MACROD2: variants seen among roughly 807,000 people sequenced by gnomAD.
MACROD2 encodes mono-ADP ribosylhydrolase 2.
MACROD2 carries 36 observed loss-of-function variants against 70.4 expected under a neutral mutation model. The ratio of observed to expected loss-of-function variants is 0.51; its 90% CI spans 0.39 to 0.68. The LOEUF (loss-of-function observed/expected upper bound fraction) is 0.68. MACROD2 is among the 30% of genes least tolerant of loss of function. MACROD2 has a pLI of 0.00. For synonymous variants in MACROD2, 172 were observed against 178.8 expected (o/e 0.96, Z 0.30); for missense variants, 496 against 538.4 (o/e 0.92, Z 0.78).
chr20:15,195,957 A>G (rs565398768), intron 5 of MACROD2, among the ~76,000 whole-genome samples: 1 of 152,334 alleles, frequency 6.6e-6, no homozygotes, highest in African/African-American at 2.4e-5. Context: ...GGAAACTGTT[A>G]TCTTCAACAA....
At chr20:14,432,555 ATTG>A (rs1388572380) in intron 3 of MACROD2, among the ~76,000 whole-genome samples, 4 of 152,122 alleles carry the variant, frequency 2.6e-5, no homozygotes, top group Admixed American at 1.3e-4. Context: ...TATAATACAG[ATTG>A]TTATTTTAGA....
At chr20:15,636,049 G>A (rs1397026565) in intron 8 of MACROD2, among the ~76,000 whole-genome samples, 2 of 131,766 alleles carry the variant, frequency 1.5e-5, no homozygotes, top group Non-Finnish European at 3.1e-5. Flanking sequence ...TCCAGCCTGG[G>A]CGACAGAGCG....
At chr20:15,244,090 A>G (rs1418606392) in intron 6 of MACROD2, among the ~76,000 whole-genome samples, 1 of 152,226 alleles carries the variant, frequency 6.6e-6, no homozygotes, top group Admixed American at 6.5e-5. Flanking sequence ...ACTATTACCT[A>G]TGCCCTTTGG....
At chr20:15,333,902 A>G (rs1337895963) in intron 6 of MACROD2, among the ~76,000 whole-genome samples, 1 of 151,676 alleles carries the variant, frequency 6.6e-6, no homozygotes, top group Admixed American at 6.6e-5. Context: ...CTGAGAACAG[A>G]CCACATGGGT....
In MACROD2 at chr20:15,429,850, G is replaced by T. The variant is rs946065569; in HGVS notation, c.541-1555G>T. On this transcript the variant is annotated intron_variant, in intron 6 of 17. Transcript: ENST00000684519. ...CATGAATATACTGTGTAATGGTGAA[G>T]ACTAGGCTTTTAGTGTAACCGTCAC... Among the ~76,000 whole-genome samples the T allele has an allele frequency of 5.3e-5, 8 of 152,112 alleles. No homozygotes were observed. The East Asian group carries it at 9.7e-4, about 18-fold the overall frequency.
At chr20:15,742,333 C>T (rs895255378) in intron 8 of MACROD2, among the ~76,000 whole-genome samples, 1 of 152,116 alleles carries the variant, frequency 6.6e-6, no homozygotes, top group East Asian at 1.9e-4. Context: ...AGAAGCAAAA[C>T]AAAATGGAGA....
In MACROD2 at chr20:14,860,960, A is replaced by T. The variant is rs773318492; in HGVS notation, c.418+176001A>T. Among the ~76,000 whole-genome samples the T allele has an allele frequency of 3.5e-5, 3 of 85,810 alleles. No homozygotes were observed. The East Asian group carries it at 9.8e-4, about 28-fold the overall frequency. 56.3% of individuals were successfully genotyped at this position (85,810 alleles called of 152,430 possible). A position where few individuals can be genotyped will look rare whatever the true frequency, so the allele number is the denominator to read the frequency against. ...ACTACATCCCCATTCTGGAGACTTTAAAAAAAAAAAATTGCTTTGTTTATT... is the reference window on the plus strand; with the variant it reads ...ACTACATCCCCATTCTGGAGACTTTTAAAAAAAAAAATTGCTTTGTTTATT... On this transcript the variant is annotated intron_variant, in intron 5 of 17. Coordinates refer to ENST00000684519, the MANE Select transcript of MACROD2 (RefSeq NM_001351661.2).
At chr20:16,000,645 G>A (rs892479956) in intron 15 of MACROD2, among the ~76,000 whole-genome samples, 2 of 152,130 alleles carry the variant, frequency 1.3e-5, no homozygotes, top group Non-Finnish European at 2.9e-5. Context: ...AAGTAAAGAA[G>A]GTTCTACCTA....
rs543475892 is a variant in MACROD2 at position 14,649,881 on chromosome 20, G to A, written c.302-34962G>A. 2.0e-5 allele frequency among the ~76,000 whole-genome samples: 3 copies of A among 152,226 alleles called. No homozygotes were observed. In the South Asian group the frequency reaches 6.2e-4, roughly 32 times the overall value. ...TGAGTCACAGGCTGGGTGGGGCTGA[G>A]CCTACAGGTTGAATATTCTCAGTTC... On this transcript the variant is annotated intron_variant, in intron 4 of 17. Coordinates refer to ENST00000684519, the MANE Select transcript of MACROD2 (RefSeq NM_001351661.2).
intron 4 of MACROD2, among the ~76,000 whole-genome samples, chr20:14,556,120 C>T (rs1979015424): frequency 6.6e-6 from 1 of 151,910 alleles, no homozygotes; most frequent in Admixed American, 6.6e-5. Context: ...ATAGTCAAAC[C>T]CTCTAAGATA....
intron 5 of MACROD2, among the ~76,000 whole-genome samples, chr20:15,057,298 C>T (rs2075494546): frequency 6.6e-6 from 1 of 152,098 alleles, no homozygotes; most frequent in Non-Finnish European, 1.5e-5. Flanking sequence ...TAAGTGTTTT[C>T]TGTGTTAGAG....
At chr20:14,662,785 A>G (rs1986288789) in intron 4 of MACROD2, among the ~76,000 whole-genome samples, 2 of 151,986 alleles carry the variant, frequency 1.3e-5, no homozygotes, top group African/African-American at 4.8e-5. Flanking sequence ...CCACAATGAG[A>G]TACCATCTCA....
chr20:14,797,218 T>A (rs933052597), intron 5 of MACROD2, among the ~76,000 whole-genome samples: 1 of 152,112 alleles, frequency 6.6e-6, no homozygotes, highest in Non-Finnish European at 1.5e-5. Flanking sequence ...ATGGTCTCTA[T>A]GTATTTCTTT....
chr20:15,549,109 G>A (rs2048062864), intron 8 of MACROD2, among the ~76,000 whole-genome samples: 3 of 152,196 alleles, frequency 2.0e-5, no homozygotes, highest in Admixed American at 6.5e-5. Context: ...TAAGATAGTT[G>A]TTGTAACTGC....
At chr20:15,319,088 C>G (rs188343897) in intron 6 of MACROD2, among the ~76,000 whole-genome samples, 28 of 152,190 alleles carry the variant, frequency 1.8e-4, no homozygotes, top group African/African-American at 6.5e-4. Flanking sequence ...GAGAAAACTG[C>G]TAGTGTTAGT....
At chr20:15,693,237 T>C (rs1332037916) in intron 8 of MACROD2, among the ~76,000 whole-genome samples, 3 of 152,212 alleles carry the variant, frequency 2.0e-5, no homozygotes, top group Admixed American at 1.3e-4. Flanking sequence ...CAGAAATACA[T>C]AATGACAATT....
intron 5 of MACROD2, among the ~76,000 whole-genome samples, chr20:15,177,369 G>T (rs573251038): frequency 2.0e-4 from 30 of 152,244 alleles, no homozygotes; most frequent in African/African-American, 7.0e-4. Context: ...TGCCTGTTGG[G>T]GGTGGAGTGG....
intron 10 of MACROD2, among the ~76,000 whole-genome samples, chr20:15,915,112 G>A (rs1309958804): frequency 6.6e-6 from 1 of 152,104 alleles, no homozygotes; most frequent in Non-Finnish European, 1.5e-5. Context: ...CTGTTGTTTA[G>A]GTTTTCTATG....
intron 5 of MACROD2, among the ~76,000 whole-genome samples, chr20:15,031,716 AG>A (rs1426060318): frequency 2.6e-5 from 4 of 152,028 alleles, no homozygotes; most frequent in African/African-American, 9.7e-5. Context: ...CTCAGAAGGG[AG>A]GAAGTGCATG....
Sources: gnomAD v4.1 joint callset for allele counts (sites outside exome capture counted in the v4.1 genomes callset) on GRCh38, gnomAD v4.1.1 for gene constraint, MANE v1.5 for transcripts, NCBI Gene and HGNC (gene_info 2026-07-23, HGNC 2026-07-21) for gene names.